Variants in OTOGL observed in about 807,000 individuals in gnomAD.
OTOGL encodes the protein otogelin-like protein.
Under a neutral mutation model 318.5 loss-of-function variants are expected in OTOGL, and 285 were observed. The observed-to-expected ratio is 0.89, with a 90% confidence interval of 0.81 to 0.99. OTOGL has a LOEUF of 0.99. Ranked by LOEUF, OTOGL falls within the 50% of genes least tolerant of loss-of-function variation. The pLI is 0.00. For synonymous variants in OTOGL, 987 were observed against 936.5 expected, an observed-to-expected ratio of 1.05 and a Z score of -0.99; for missense variants, 2,899 against 2,845.6, an observed-to-expected ratio of 1.02 and a Z score of -0.43.
intron 57 of OTOGL, 57 bp downstream of exon 57, chr12:80,372,121 G>T: frequency 8.3e-7 from 1 of 1,199,120 alleles, no homozygotes; most frequent in Non-Finnish European, 1.1e-6. Flanking sequence ...ATTGCTCATA[G>T]TGATTATGGT....
At position 80,252,149 on chromosome 12, in the gene OTOGL, G is replaced by C; in HGVS notation, c.1233G>C (p.Lys411Asn). ...SCCPPTCTFE[K>N]QCLGSNLHCL... ...GTCCACCAACCTGCACATTTGAGAAGCAATGTCTTGGGAGCAATCTCCATT... is the reference window on the plus strand; with the variant it reads ...GTCCACCAACCTGCACATTTGAGAACCAATGTCTTGGGAGCAATCTCCATT... The change falls in exon 13 of 59, where the codon AAG (lysine) becomes AAC (asparagine). Residue 411 changes from lysine to asparagine, a missense_variant. Transcript: ENST00000547103. 2 of 1,586,114 alleles carry C rather than the reference G, an allele frequency of 1.3e-6. No individual in the cohort carries two copies. The highest frequency in any genetic ancestry group is 1.7e-6 in the Non-Finnish European group (2 of 1,164,312).
intron 1 of OTOGL, among the ~76,000 whole-genome samples, chr12:80,180,033 G>A (rs933810642): frequency 6.6e-6 from 1 of 152,230 alleles, no homozygotes; most frequent in Non-Finnish European, 1.5e-5. Flanking sequence ...GCTGTATCAA[G>A]GTTTGGTTTT....
intron 29 of OTOGL, among the ~76,000 whole-genome samples, chr12:80,308,251 G>A (rs1281321645): frequency 2.0e-5 from 3 of 151,206 alleles, no homozygotes; most frequent in East Asian, 2.0e-4. Flanking sequence ...CTTCTCAGAC[G>A]GGGCGGCTGC....
chr12:80,285,600 T>G (rs2137653555), intron 26 of OTOGL, among the ~76,000 whole-genome samples: 1 of 152,288 alleles, frequency 6.6e-6, no homozygotes, highest in African/African-American at 2.4e-5. Flanking sequence ...ACATACATTG[T>G]AAGTTGTATT....
At chr12:80,357,795 C>T (rs562590788) in intron 49 of OTOGL, among the ~76,000 whole-genome samples, 3 of 152,194 alleles carry the variant, frequency 2.0e-5, no homozygotes, top group South Asian at 2.1e-4. Context: ...AAGATAGTCA[C>T]TCAAAAAGGT....
rs1052759940 is a variant in OTOGL at position 80,305,645 on chromosome 12, T to C, written c.3283T>C (p.Leu1095=). ...AAATGATATGACCACATCTAATAAC[T>C]TGGAAGTGAGAAATGCTCGGGTATT... The part of the protein sequence containing the change: ...TSNDMTTSNN[L]EVRNARVFGD... The change falls in exon 29 of 59, where the codon TTG becomes CTG. Residue 1095 remains leucine (L), a synonymous_variant. Transcript: ENST00000547103. The C allele has an allele frequency of 2.5e-6, 4 of 1,583,850 alleles. No homozygotes were observed. Among genetic ancestry groups the C allele is most frequent in the Admixed American group, 3.5e-5 (2 of 56,568 alleles).
chr12:80,326,925 C>G (rs1158623868), intron 35 of OTOGL, among the ~76,000 whole-genome samples: 1 of 152,142 alleles, frequency 6.6e-6, no homozygotes, highest in African/African-American at 2.4e-5. Flanking sequence ...TTGTTTCCAT[C>G]TGGAATGAAA....
intron 52 of OTOGL, among the ~76,000 whole-genome samples, chr12:80,363,515 C>G (rs939117197): frequency 6.8e-6 from 1 of 146,630 alleles, no homozygotes; most frequent in Non-Finnish European, 1.5e-5. Context: ...ACAAGTTGAA[C>G]AAATGTGTTG....
intron 11 of OTOGL, among the ~76,000 whole-genome samples, chr12:80,249,864 G>A (rs1291722822): frequency 6.6e-6 from 1 of 152,156 alleles, no homozygotes; most frequent in Non-Finnish European, 1.5e-5. Context: ...ATATAGTCTC[G>A]TGGTGCGCCG....
At chr12:80,262,656 T>C (rs897682066) in intron 19 of OTOGL, among the ~76,000 whole-genome samples, 1 of 152,106 alleles carries the variant, frequency 6.6e-6, no homozygotes, top group African/African-American at 2.4e-5. Context: ...ATGCTAAGAA[T>C]TTTTGGCTGC....
At chr12:80,211,908 A>C (rs781257825) in intron 3 of OTOGL, 41 bp from the exon 4 acceptor site, 1 of 1,496,020 alleles carries the variant, frequency 6.7e-7, no homozygotes, top group South Asian at 1.2e-5. Context: ...CAGGTTGCCT[A>C]GGGGCCTTTG....
At chr12:80,131,312 G>T (rs375146460) in intron 1 of OTOGL, among the ~76,000 whole-genome samples, 1 of 152,310 alleles carries the variant, frequency 6.6e-6, no homozygotes, top group African/African-American at 2.4e-5. Flanking sequence ...TGCTTCCATA[G>T]TGCATAGAGA....
At chr12:80,235,494 G>GACTGCTTT (rs1879767557) in intron 9 of OTOGL, among the ~76,000 whole-genome samples, 1 of 142,618 alleles carries the variant, frequency 7.0e-6, no homozygotes, top group Admixed American at 7.0e-5. Flanking sequence ...AAAAAAGAAA[G>GACTGCTTT]ACTGCTTTGG....
chr12:80,211,696 C>T (rs1216090124), intron 3 of OTOGL, among the ~76,000 whole-genome samples: 1 of 152,100 alleles, frequency 6.6e-6, no homozygotes, highest in African/African-American at 2.4e-5. Context: ...AAGTTCCTTC[C>T]TAATATTCAG....
chr12:80,337,961 G>A (rs1888516841), intron 42 of OTOGL, among the ~76,000 whole-genome samples: 1 of 152,138 alleles, frequency 6.6e-6, no homozygotes. Context: ...GCTGGTCAGT[G>A]TCATTATTTG....
chr12:80,206,136 G>A (rs1876791881), intron 1 of OTOGL, among the ~76,000 whole-genome samples: 1 of 152,102 alleles, frequency 6.6e-6, no homozygotes, highest in South Asian at 2.1e-4. Flanking sequence ...TTGTCAGGGT[G>A]GAATGAAATA....
intron 1 of OTOGL, among the ~76,000 whole-genome samples, chr12:80,110,288 C>A (rs181592979): frequency 5.9e-5 from 9 of 152,178 alleles, no homozygotes; most frequent in Non-Finnish European, 7.4e-5. Context: ...AGGATGGTCT[C>A]GATCTCCTGA....
At chr12:80,264,792 A>AC (rs546313614) in intron 19 of OTOGL, among the ~76,000 whole-genome samples, 2 of 151,704 alleles carry the variant, frequency 1.3e-5, no homozygotes, top group Non-Finnish European at 2.9e-5. Context: ...ACAATACACT[A>AC]TTTTTTTTCC....
At chr12:80,169,392 G>A (rs895406142) in intron 1 of OTOGL, among the ~76,000 whole-genome samples, 15 of 151,922 alleles carry the variant, frequency 9.9e-5, no homozygotes, top group African/African-American at 2.9e-4. Flanking sequence ...AATTTAATCC[G>A]GGAATTTGAA....
Sources: allele counts gnomAD v4.1 joint callset (sites outside exome capture counted in the v4.1 genomes callset), GRCh38; gene constraint gnomAD v4.1.1; transcripts MANE v1.5; gene names NCBI Gene and HGNC (gene_info 2026-07-23, HGNC 2026-07-21).